ARSB: variants seen among roughly 807,000 people sequenced by gnomAD.
ARSB encodes N-acetylgalactosamine-4-sulfatase.
Under a neutral mutation model 50.9 loss-of-function variants are expected in ARSB, and 41 were observed. The observed-to-expected ratio is 0.81, with a 90% CI of 0.63 to 1.04. The LOEUF is 1.04. Among genes scored for constraint, ARSB ranks in the 50% least tolerant of loss-of-function variants. The probability of loss-of-function intolerance (pLI) is 0.00; values close to 1 mark genes in which losing one functional copy is unlikely to be tolerated. For synonymous variants in ARSB, 269 were observed against 284.8 expected, an observed-to-expected ratio of 0.94 and a Z score of 0.56; for missense variants, 672 against 693.3, an observed-to-expected ratio of 0.97 and a Z score of 0.35.
At chr5:78,817,149 A>C (rs1322139682) in intron 6 of ARSB, 1 of 983,062 alleles carries the variant, frequency 1.0e-6, no homozygotes, top group Non-Finnish European at 1.2e-6. Context: ...AGAGATAAAG[A>C]ATGATCATTA....
intron 6 of ARSB, among the ~76,000 whole-genome samples, chr5:78,822,313 G>A (rs901767604): frequency 1.4e-4 from 22 of 152,062 alleles, no homozygotes; most frequent in African/African-American, 5.3e-4. Context: ...TCTTTATCAA[G>A]ACACTCTAGT....
chr5:78,933,781 AC>A (rs1750454146), intron 4 of ARSB, among the ~76,000 whole-genome samples: 1 of 152,208 alleles, frequency 6.6e-6, no homozygotes, highest in Admixed American at 6.5e-5. Context: ...TTACATGGCA[AC>A]GGGGAGTTAA....
chr5:78,794,948 C>T (rs1473801942), intron 6 of ARSB, among the ~76,000 whole-genome samples: 2 of 152,172 alleles, frequency 1.3e-5, no homozygotes, highest in Non-Finnish European at 2.9e-5. Context: ...AATGGGCCAG[C>T]TCTCCTACTT....
chr5:78,787,331 C>T (rs893098310), intron 6 of ARSB, among the ~76,000 whole-genome samples: 2 of 152,076 alleles, frequency 1.3e-5, no homozygotes, highest in African/African-American at 4.8e-5. Context: ...AGCCTGAGTC[C>T]TCCCACTTTT....
At chr5:78,946,881 C>T (rs1751259622) in intron 4 of ARSB, among the ~76,000 whole-genome samples, 2 of 152,198 alleles carry the variant, frequency 1.3e-5, no homozygotes, top group Non-Finnish European at 2.9e-5. Context: ...TCAAATTATA[C>T]TATAGAGTTA....
At chr5:78,885,956 TC>T in intron 4 of ARSB, 129 bp from the exon 5 acceptor site, 1 of 1,461,466 alleles carries the variant, frequency 6.8e-7, no homozygotes, top group Non-Finnish European at 9.4e-7. Context: ...CCTTGCCTTT[TC>T]CCACCCTAAA....
At chr5:78,973,250 A>G (rs1752535317) in intron 1 of ARSB, among the ~76,000 whole-genome samples, 1 of 152,226 alleles carries the variant, frequency 6.6e-6, no homozygotes, top group Non-Finnish European at 1.5e-5. Flanking sequence ...GTGTGAATGG[A>G]GAAGGTTCTA....
chr5:78,827,044 G>A (rs1481295865), intron 6 of ARSB, among the ~76,000 whole-genome samples: 1 of 152,146 alleles, frequency 6.6e-6, no homozygotes, highest in African/African-American at 2.4e-5. Flanking sequence ...ACAGAGTCCA[G>A]ATAGTGACAA....
chr5:78,788,746 ATG>A (rs1194506392), intron 6 of ARSB, among the ~76,000 whole-genome samples: 1 of 152,186 alleles, frequency 6.6e-6, no homozygotes, highest in Non-Finnish European at 1.5e-5. Context: ...GACCACAGGC[ATG>A]TGCTACCATA....
At chr5:78,781,076 AT>A (rs1241346972) in intron 7 of ARSB, among the ~76,000 whole-genome samples, 1 of 152,218 alleles carries the variant, frequency 6.6e-6, no homozygotes, top group Non-Finnish European at 1.5e-5. Context: ...CTTAACCATC[AT>A]CCCACATATT....
At chr5:78,820,509 C>T (rs1029115027) in intron 6 of ARSB, among the ~76,000 whole-genome samples, 8 of 151,736 alleles carry the variant, frequency 5.3e-5, no homozygotes, top group African/African-American at 1.2e-4. Flanking sequence ...TGCAGTGAGT[C>T]GAAATCGCAC....
At chr5:78,970,914 T>C (rs549014814) in intron 1 of ARSB, among the ~76,000 whole-genome samples, 37 of 152,210 alleles carry the variant, frequency 2.4e-4, no homozygotes, top group Non-Finnish European at 3.1e-4. Context: ...TGAGCTGTGA[T>C]CATACCACTG....
chr5:78,852,569 C>T (rs557879605), intron 5 of ARSB, among the ~76,000 whole-genome samples: 2,594 of 152,176 alleles, frequency 0.017, 65 homozygotes, highest in African/African-American at 0.059. Flanking sequence ...ATCTTTGTGG[C>T]ATTTTCTGTA....
chr5:78,871,327 T>C (rs62379683), intron 5 of ARSB, among the ~76,000 whole-genome samples: 18,851 of 152,104 alleles, frequency 0.12, 1,386 homozygotes, highest in Middle Eastern at 0.21. Context: ...TTCAAGTTCA[T>C]ATGGAACCAA....
At chr5:78,868,874 G>C (rs2112138583) in intron 5 of ARSB, among the ~76,000 whole-genome samples, 1 of 151,300 alleles carries the variant, frequency 6.6e-6, no homozygotes, top group Admixed American at 6.6e-5. Context: ...TGGCAAGTTG[G>C]ATAAAGAGTC....
intron 4 of ARSB, among the ~76,000 whole-genome samples, chr5:78,947,520 T>C (rs1039542463): frequency 6.6e-6 from 1 of 152,006 alleles, no homozygotes; most frequent in Admixed American, 6.5e-5. Context: ...GGCAAACAGG[T>C]ATATGAAAAG....
intron 5 of ARSB, among the ~76,000 whole-genome samples, chr5:78,867,183 G>C (rs1343761395): frequency 6.6e-6 from 1 of 152,114 alleles, no homozygotes; most frequent in African/African-American, 2.4e-5. Flanking sequence ...ACGGAATCTC[G>C]CTGATTGCTA....
At chr5:78,967,310 T>C (rs1459987961) in intron 2 of ARSB, among the ~76,000 whole-genome samples, 4 of 152,226 alleles carry the variant, frequency 2.6e-5, no homozygotes, top group Non-Finnish European at 5.9e-5. Flanking sequence ...AACATCTGGT[T>C]TCCATTTATC....
intron 4 of ARSB, among the ~76,000 whole-genome samples, chr5:78,925,298 G>C (rs990392344): frequency 2.0e-5 from 3 of 151,956 alleles, no homozygotes; most frequent in Non-Finnish European, 4.4e-5. Context: ...GCCACCCAAG[G>C]AAAAAAGCAA....
Sources: gnomAD v4.1 joint callset for allele counts (sites outside exome capture counted in the v4.1 genomes callset) on GRCh38, gnomAD v4.1.1 for gene constraint, MANE v1.5 for transcripts, NCBI Gene and HGNC (gene_info 2026-07-23, HGNC 2026-07-21) for gene names.